Variants in MEAK7 observed in about 807,000 individuals in gnomAD.
The protein encoded by MEAK7 is MTOR-associated protein MEAK7.
MEAK7 carries 68 observed loss-of-function variants against 40.5 expected under a neutral mutation model. The ratio of observed to expected loss-of-function variants is 1.68; its 90% CI spans 1.38 to 2.06. The LOEUF is 2.06. Among genes scored for constraint, MEAK7 ranks in the 30% most tolerant of loss-of-function variants. The probability of loss-of-function intolerance (pLI) is 0.00; values close to 1 mark genes in which losing one functional copy is unlikely to be tolerated. For synonymous variants in MEAK7, 338 were observed against 231.9 expected (o/e 1.46, Z -4.16); for missense variants, 918 against 580.5 (o/e 1.58, Z -5.98).
intron 7 of MEAK7, 48 bp downstream of exon 7, chr16:84,480,481 C>A: frequency 6.5e-7 from 1 of 1,528,722 alleles, no homozygotes; most frequent in Non-Finnish European, 8.8e-7. Context: ...CAGAAAGGCC[C>A]CCAGGCTCAA....
chr16:84,482,805 A>G, intron 5 of MEAK7, 95 bp from the exon 6 acceptor site: 1 of 1,546,260 alleles, frequency 6.5e-7, no homozygotes, highest in African/African-American at 1.4e-5. Flanking sequence ...AGGAAGCAAC[A>G]GGGCCAAGAC....
intron 1 of MEAK7, among the ~76,000 whole-genome samples, chr16:84,501,065 A>G (rs912397724): frequency 7.8e-5 from 11 of 141,046 alleles, no homozygotes; most frequent in Non-Finnish European, 1.7e-4. Flanking sequence ...ACTACACTCC[A>G]GCCTGGGCAA....
Position 84,486,650 on chromosome 16 carries a change from C to G in MEAK7, c.939G>C (p.Glu313Asp), listed in dbSNP as rs773543804. The G allele has an allele frequency of 1.9e-6, 3 of 1,608,934 alleles. No individual in the cohort carries two copies. Among genetic ancestry groups the G allele is most frequent in the Non-Finnish European group, 2.5e-6 (3 of 1,177,600 alleles). Residue 313 changes from glutamate (E) to aspartate (D), a missense_variant, in exon 5 of 8, where the codon GAG becomes GAC. By Grantham distance (45) the Glu-to-Asp change is conservative. Coordinates refer to ENST00000343629, the MANE Select transcript of MEAK7 (RefSeq NM_020947.4). ...TCTTACCTTGAAACTGAGGCTTCACCTCCCAAGAGCAAGAGGCAAACCCAC... is the reference window on the plus strand; with the variant it reads ...TCTTACCTTGAAACTGAGGCTTCACGTCCCAAGAGCAAGAGGCAAACCCAC... ...VFGGFASCSW[E>D]VKPQFQGDNR...
At chr16:84,496,264 G>A (rs774898861) in intron 2 of MEAK7, among the ~76,000 whole-genome samples, 5 of 152,178 alleles carry the variant, frequency 3.3e-5, no homozygotes, top group African/African-American at 7.2e-5. Flanking sequence ...TAGGGTGGGA[G>A]GGCCAGCTTT....
chr16:84,482,066 C>T (rs759788628), intron 6 of MEAK7, among the ~76,000 whole-genome samples: 6 of 152,216 alleles, frequency 3.9e-5, no homozygotes, highest in Non-Finnish European at 7.3e-5. Context: ...TGCCTGGACC[C>T]GTGCCCACCC....
At chr16:84,481,576 C>G (rs113849520) in intron 6 of MEAK7, among the ~76,000 whole-genome samples, 56 of 152,282 alleles carry the variant, frequency 3.7e-4, no homozygotes, top group African/African-American at 1.3e-3. Flanking sequence ...GACGCTGGTC[C>G]CTATATCGGA....
At chr16:84,495,166 G>A (rs562967418) in intron 3 of MEAK7, among the ~76,000 whole-genome samples, 1 of 152,296 alleles carries the variant, frequency 6.6e-6, no homozygotes, top group African/African-American at 2.4e-5. Context: ...CTACTCAGGA[G>A]GCTGAGGCAG....
At chr16:84,504,426 C>G (rs1194063630) in intron 1 of MEAK7, among the ~76,000 whole-genome samples, 175 bp downstream of exon 1, 1 of 151,676 alleles carries the variant, frequency 6.6e-6, no homozygotes, top group Non-Finnish European at 1.5e-5. Context: ...CCCCACCCCT[C>G]ACCTCCCCGC....
At chr16:84,494,078 T>C (rs1467161798) in intron 3 of MEAK7, among the ~76,000 whole-genome samples, 1 of 152,172 alleles carries the variant, frequency 6.6e-6, no homozygotes. Flanking sequence ...AATAAAAATG[T>C]CTAATCTCAG....
In MEAK7 at chr16:84,492,340, C is replaced by G. The variant is rs567497886; in HGVS notation, c.385-2918G>C. ...ATAAAAAGGTTTATACAAATTACAT[C>G]TTATGGTCAAGATGATTAAAATTTA... On this transcript the variant is annotated intron_variant, in intron 3 of 7. Transcript: ENST00000343629. 1.6e-4 allele frequency among the ~76,000 whole-genome samples: 25 copies of G among 152,108 alleles called. No individual in the cohort carries two copies. The South Asian group carries it at 5.2e-3, about 32-fold the overall frequency.
chr16:84,481,641 A>C (rs1428942244), intron 6 of MEAK7, among the ~76,000 whole-genome samples: 1 of 152,042 alleles, frequency 6.6e-6, no homozygotes. Context: ...TCCCAATAAG[A>C]GCTTTCTGTC....
Position 84,481,430 on chromosome 16 carries a change from C to T in MEAK7, c.1078-722G>A, listed in dbSNP as rs188253631. 5.9e-4 allele frequency among the ~76,000 whole-genome samples: 90 copies of T among 152,316 alleles called. 2 individuals are homozygous for T. The highest frequency in any genetic ancestry group is 4.8e-3 in the Admixed American group (74 of 15,302). ...ATGACGAGCGATGACCGGGGCCTGC[C>T]GGGTGCTGCCTGTGAGGCTGGCACC... On this transcript the variant is annotated intron_variant, in intron 6 of 7. Coordinates refer to ENST00000343629, the MANE Select transcript of MEAK7 (RefSeq NM_020947.4).
At chr16:84,494,094 T>C (rs1403181219) in intron 3 of MEAK7, among the ~76,000 whole-genome samples, 1 of 152,180 alleles carries the variant, frequency 6.6e-6, no homozygotes, top group Non-Finnish European at 1.5e-5. Context: ...CTCAGACTCC[T>C]TAAGGAAAAG....
intron 4 of MEAK7, chr16:84,488,136 G>T (rs1171047317): frequency 6.6e-6 from 1 of 151,888 alleles, no homozygotes; most frequent in Non-Finnish European, 1.5e-5. Flanking sequence ...GAAATCTTAA[G>T]GATAATTTTA....
chr16:84,480,050 G>C (rs764412518), intron 7 of MEAK7, 24 bp from the exon 8 acceptor site: 8 of 1,557,894 alleles, frequency 5.1e-6, no homozygotes, highest in Non-Finnish European at 7.0e-6. Context: ...GAAAGGGTGG[G>C]TGTGTTCCAT....
chr16:84,486,874 C>A lies in MEAK7; in HGVS notation c.715G>T (p.Gly239Cys), dbSNP rs1260606108. Residue 239 changes from glycine to cysteine, a missense_variant, in exon 5 of 8, where the codon GGC becomes TGC. Gly to Cys is a radical substitution (Grantham distance 159). Transcript: ENST00000343629. ...TLVPERQVDQ[G>C]RGFESILDVL... The stretch of plus-strand genomic sequence containing the variant: ...TCCAGGATGCTCTCAAAACCCCTGC[C>A]CTGGTCCACTTGACGCTCAGGGACC... The A allele has an allele frequency of 1.2e-6, 2 of 1,614,144 alleles. No individual in the cohort carries two copies. The highest frequency in any genetic ancestry group is 2.2e-5 in the South Asian group (2 of 91,080).
intron 5 of MEAK7, chr16:84,485,987 AT>A (rs34909877): frequency 0.46 from 47,812 of 104,088 alleles, 8,822 homozygotes; most frequent in Middle Eastern, 0.58. Flanking sequence ...CAGCCTTATT[AT>A]TTTTTTTTTT....
rs1914712129 is a variant in MEAK7, at chr16:84,504,198, CCA to C, written c.-26+401_-26+402del. ...CAGAATACAAGAAGGAAAACCCCCT[CCA>C]CACACACTTCAGTGTCTACCCCAGA... On this transcript the variant is annotated intron_variant, in intron 1 of 7. Transcript: ENST00000343629. 3.1e-6 allele frequency: 3 copies of C among 972,284 alleles called. No individual in the cohort carries two copies. The African/African-American group carries it at 5.3e-5, about 17-fold the overall frequency. The allele number at this position is 972,284 out of a possible 1,614,324, so 60.2% of individuals were successfully genotyped here.
intron 6 of MEAK7, 22 bp from the exon 7 acceptor site, chr16:84,480,730 A>C: frequency 6.3e-7 from 1 of 1,597,598 alleles, no homozygotes; most frequent in East Asian, 2.2e-5. Flanking sequence ...GCCAGGACAG[A>C]GAATAGCATC....
Sources: gnomAD v4.1 joint callset for allele counts (sites outside exome capture counted in the v4.1 genomes callset) on GRCh38, gnomAD v4.1.1 for gene constraint, MANE v1.5 for transcripts, NCBI Gene and HGNC (gene_info 2026-07-23, HGNC 2026-07-21) for gene names.